ZNF664: variants seen among roughly 807,000 people sequenced by gnomAD.
ZNF664 encodes zinc finger protein 664, also known as zinc finger Organ of Corti 1.
A neutral mutation model predicts 18.2 loss-of-function variants in ZNF664; 10 were observed. The observed-to-expected ratio is 0.55, with a 90% CI of 0.34 to 0.93. The LOEUF (loss-of-function observed/expected upper bound fraction) is 0.93. Ranked by LOEUF, ZNF664 falls within the 40% of genes least tolerant of loss-of-function variation. The pLI, the probability that ZNF664 is intolerant of heterozygous loss-of-function variation, is 0.02. For missense variants in ZNF664, 193 were observed against 319.0 expected (o/e 0.61, Z 3.01); for synonymous variants, 119 against 104.2 (o/e 1.14, Z -0.86).
chr12:123,998,173 T>C (rs567628818), intron 3 of ZNF664, among the ~76,000 whole-genome samples: 15 of 152,172 alleles, frequency 9.9e-5, no homozygotes, highest in African/African-American at 3.1e-4. Flanking sequence ...GCCTTTCTTA[T>C]ACTTTATCCC....
chr12:124,012,705 C>T lies in ZNF664; in HGVS notation c.561C>T (p.Cys187=), dbSNP rs766235075. The change falls in exon 5 of 5, where the codon TGC becomes TGT. Residue 187 remains cysteine (C), a synonymous_variant. Transcript: ENST00000337815. ...CGTTCAGTCAGAGTTCGAGCCTCTG[C>T]ATCCACCAGAGAGTCCACACTGGAG... ...GKAFSQSSSL[C]IHQRVHTGEK... 2 of 1,613,940 alleles carry T rather than the reference C, an allele frequency of 1.2e-6. No individual in the cohort carries two copies. The highest frequency in any genetic ancestry group is 2.7e-5 in the African/African-American group (2 of 74,898).
intron 2 of ZNF664, chr12:123,974,236 C>G: frequency 2.5e-6 from 1 of 397,074 alleles, no homozygotes; most frequent in Non-Finnish European, 4.4e-6. Flanking sequence ...ACCTTTCTTG[C>G]CGAACTCTAA....
intron 3 of ZNF664, among the ~76,000 whole-genome samples, chr12:124,004,309 T>A (rs1254610611): frequency 6.6e-6 from 1 of 152,050 alleles, no homozygotes; most frequent in Non-Finnish European, 1.5e-5. Flanking sequence ...CAGGGCCACA[T>A]TAGTAGGACA....
chr12:123,974,089 A>G (rs1467446179), intron 2 of ZNF664, 69 bp downstream of exon 2: 3 of 1,093,180 alleles, frequency 2.7e-6, no homozygotes, highest in African/African-American at 3.4e-5. Flanking sequence ...CACCCCTTCC[A>G]GGACTCGACT....
At position 124,012,929 on chromosome 12, in the gene ZNF664, A is replaced by G; in HGVS notation, c.785A>G (p.Ter262=). 2 of 1,611,990 alleles carry G rather than the reference A, an allele frequency of 1.2e-6. No homozygotes were observed. Among genetic ancestry groups the G allele is most frequent in the Non-Finnish European group, 1.7e-6 (2 of 1,179,398 alleles). Residue 262 remains the stop codon, a stop_retained_variant, in exon 5 of 5, where the codon TAA becomes TGA. Transcript: ENST00000337815. ...AACCATCTCAAAATATCAGTTATAT[A>G]AAACGTTTTGCTAAGAGTTTAAAAT... ...ERNHLKISVI[*]
At chr12:123,995,371 A>C (rs1956936278) in intron 3 of ZNF664, among the ~76,000 whole-genome samples, 2 of 152,350 alleles carry the variant, frequency 1.3e-5, no homozygotes, top group South Asian at 4.1e-4. Context: ...GATCCTGCTA[A>C]AATGCAATTC....
At chr12:123,989,646 G>C (rs1274494001) in intron 3 of ZNF664, among the ~76,000 whole-genome samples, 1 of 152,158 alleles carries the variant, frequency 6.6e-6, no homozygotes, top group Non-Finnish European at 1.5e-5. Flanking sequence ...TCAGTCCTGT[G>C]TACATGTCCA....
At chr12:124,008,682 CCTGT>C (rs760376078) in intron 3 of ZNF664, among the ~76,000 whole-genome samples, 136 of 152,300 alleles carry the variant, frequency 8.9e-4, no homozygotes, top group Non-Finnish European at 1.8e-3. Flanking sequence ...TCTCTGCCTG[CCTGT>C]CTGTCTCTTT....
At chr12:123,993,982 G>A (rs938781307) in intron 3 of ZNF664, among the ~76,000 whole-genome samples, 1 of 152,214 alleles carries the variant, frequency 6.6e-6, no homozygotes, top group African/African-American at 2.4e-5. Flanking sequence ...GAATACCTTA[G>A]TGAATTGTGC....
intron 2 of ZNF664, among the ~76,000 whole-genome samples, chr12:123,985,436 T>C (rs971047275): frequency 6.6e-6 from 1 of 152,246 alleles, no homozygotes; most frequent in Non-Finnish European, 1.5e-5. Flanking sequence ...TTTGATTTAC[T>C]ATTCTGACAC....
intron 2 of ZNF664, among the ~76,000 whole-genome samples, chr12:123,977,379 G>C (rs978886161): frequency 6.7e-6 from 1 of 148,350 alleles, no homozygotes; most frequent in African/African-American, 2.5e-5. Flanking sequence ...CAAAAAAATT[G>C]ATGGAGTGAC....
chr12:123,997,549 T>G (rs1956964257), intron 3 of ZNF664, among the ~76,000 whole-genome samples: 1 of 152,204 alleles, frequency 6.6e-6, no homozygotes. Context: ...CTCTCTGCAG[T>G]CATCCCCACG....
At chr12:123,980,137 A>G (rs1367348555) in intron 2 of ZNF664, among the ~76,000 whole-genome samples, 3 of 152,342 alleles carry the variant, frequency 2.0e-5, no homozygotes, top group Admixed American at 6.5e-5. Context: ...GTATATATAT[A>G]TATTCTGAAT....
At chr12:124,011,069 T>C (rs1957131066) in intron 3 of ZNF664, among the ~76,000 whole-genome samples, 1 of 152,238 alleles carries the variant, frequency 6.6e-6, no homozygotes, top group African/African-American at 2.4e-5. Flanking sequence ...AGTAGGAGAA[T>C]GACATTTGAT....
At chr12:123,996,701 T>C (rs1408168916) in intron 3 of ZNF664, among the ~76,000 whole-genome samples, 1 of 152,136 alleles carries the variant, frequency 6.6e-6, no homozygotes, top group Non-Finnish European at 1.5e-5. Flanking sequence ...GGGCGGGCTT[T>C]ATAATTGATG....
chr12:123,990,041 G>A (rs890675307), intron 3 of ZNF664, among the ~76,000 whole-genome samples: 3 of 152,118 alleles, frequency 2.0e-5, no homozygotes, highest in Admixed American at 1.3e-4. Flanking sequence ...TGTGACCCAG[G>A]TATAAAAATA....
At chr12:124,000,054 C>A (rs1333877922) in intron 3 of ZNF664, among the ~76,000 whole-genome samples, 3 of 152,202 alleles carry the variant, frequency 2.0e-5, no homozygotes, top group African/African-American at 7.2e-5. Context: ...CCCGTTTGTC[C>A]TTTGACGATT....
Position 124,012,313 on chromosome 12 carries a change from A to G in ZNF664, c.169A>G (p.Lys57Glu). 3 of 1,614,232 alleles carry G rather than the reference A, an allele frequency of 1.9e-6. No individual in the cohort carries two copies. The South Asian group carries it at 3.3e-5, about 18-fold the overall frequency. ...HIHWRDHTGE[K>E]VYKCDDCGKD... ...TCATTGGAGAGACCATACAGGAGAG[A>G]AGGTCTATAAATGTGATGATTGTGG... is the stretch of plus-strand genomic sequence containing the variant. Residue 57 changes from lysine to glutamate, a missense_variant, in exon 5 of 5, where the codon AAG (lysine) becomes GAG (glutamate). This residue lies in a region of ZNF664 where 90 missense variants were observed against 118.9 expected (regional missense o/e 0.76). Transcript: ENST00000337815.
At position 124,011,744 on chromosome 12, in the gene ZNF664, A is replaced by G. The variant is rs567600138; in HGVS notation, c.-401A>G. 6.8e-5 allele frequency: 72 copies of G among 1,066,028 alleles called. No homozygotes were observed. Among genetic ancestry groups the G allele is most frequent in the Non-Finnish European group, 4.9e-5 (43 of 884,702 alleles). The allele number at this position is 1,066,028 out of a possible 1,614,324, so 66.0% of individuals were successfully genotyped here. A position where few individuals can be genotyped will look rare whatever the true frequency, so the allele number is the denominator to read the frequency against. On this transcript the variant is annotated 5_prime_UTR_variant, in exon 5 of 5. Coordinates refer to ENST00000337815, the MANE Select transcript of ZNF664 (RefSeq NM_152437.3). ...TCCTTCGATACAGGGGATATACTGT[A>G]CAGTCCTTTTTCTAGAAGTGAGACA...
Sources: gnomAD v4.1 joint callset for allele counts (sites outside exome capture counted in the v4.1 genomes callset) on GRCh38, gnomAD v4.1.1 for gene constraint, gnomAD v4.1.1 regional missense constraint, MANE v1.5 for transcripts, NCBI Gene and HGNC (gene_info 2026-07-23, HGNC 2026-07-21) for gene names.